ARID2: variants seen among roughly 807,000 people sequenced by gnomAD.
ARID2 encodes AT-rich interaction domain 2.
In ARID2, 32 loss-of-function variants were observed where a neutral mutation model predicts 184.6. The observed-to-expected ratio is 0.17, with a 90% CI of 0.13 to 0.23. The LOEUF (loss-of-function observed/expected upper bound fraction) is 0.23. Ranked by LOEUF, ARID2 falls within the 10% of genes least tolerant of loss-of-function variation. The pLI is 1.00. For missense variants in ARID2, 1,696 were observed against 2,197.6 expected (o/e 0.77, Z 4.56); for synonymous variants, 836 against 772.6 (o/e 1.08, Z -1.36).
At chr12:45,828,585 A>C (rs1288043698) in intron 6 of ARID2, among the ~76,000 whole-genome samples, 1 of 152,052 alleles carries the variant, frequency 6.6e-6, no homozygotes, top group Non-Finnish European at 1.5e-5. Flanking sequence ...CCTTCTCAGC[A>C]GTAGTATGTC....
chr12:45,821,519 T>C, intron 6 of ARID2, 32 bp downstream of exon 6: 1 of 1,375,858 alleles, frequency 7.3e-7, no homozygotes. Flanking sequence ...GTTGATTCAT[T>C]GAGTTACATG....
At chr12:45,901,867 G>T (rs1944464733) in intron 20 of ARID2, among the ~76,000 whole-genome samples, 1 of 151,766 alleles carries the variant, frequency 6.6e-6, no homozygotes, top group Non-Finnish European at 1.5e-5. Context: ...GGTGGGGGAG[G>T]GTGTCTCACT....
chr12:45,875,834 C>T (rs1253334783), intron 16 of ARID2, among the ~76,000 whole-genome samples: 1 of 152,174 alleles, frequency 6.6e-6, no homozygotes, highest in Non-Finnish European at 1.5e-5. Context: ...TAGGGCCTTG[C>T]TCTGGATTAG....
chr12:45,822,550 G>A (rs1011546799), intron 6 of ARID2, among the ~76,000 whole-genome samples: 1 of 151,740 alleles, frequency 6.6e-6, no homozygotes, highest in Non-Finnish European at 1.5e-5. Flanking sequence ...AAAATCAACC[G>A]ATAAATCAAT....
intron 3 of ARID2, among the ~76,000 whole-genome samples, chr12:45,779,691 T>C (rs1404535411): frequency 6.6e-6 from 1 of 152,122 alleles, no homozygotes; most frequent in Non-Finnish European, 1.5e-5. Flanking sequence ...ATTAGTTTTC[T>C]GTCATCTTTT....
At chr12:45,795,885 T>C (rs545211084) in intron 3 of ARID2, among the ~76,000 whole-genome samples, 1 of 152,242 alleles carries the variant, frequency 6.6e-6, no homozygotes, top group South Asian at 2.1e-4. Flanking sequence ...TCTTTTCCTA[T>C]ATAACACTAC....
intron 3 of ARID2, among the ~76,000 whole-genome samples, chr12:45,765,234 G>GTC (rs1236547958): frequency 1.3e-5 from 2 of 151,734 alleles, no homozygotes; most frequent in African/African-American, 4.8e-5. Context: ...TTGAGACAAG[G>GTC]TCTCTCTCTG....
At chr12:45,855,531 G>A (rs921971383) in intron 15 of ARID2, among the ~76,000 whole-genome samples, 1 of 152,246 alleles carries the variant, frequency 6.6e-6, no homozygotes, top group East Asian at 1.9e-4. Context: ...TAATGGGGAA[G>A]GTATGCTTTA....
intron 3 of ARID2, among the ~76,000 whole-genome samples, chr12:45,764,079 G>T (rs1357175558): frequency 6.6e-6 from 1 of 151,122 alleles, no homozygotes; most frequent in African/African-American, 2.4e-5. Context: ...TTCTCAACTA[G>T]TTTTTTTTTA....
At position 45,906,377 on chromosome 12, in the gene ARID2, C is replaced by A. The variant is rs990377367; in HGVS notation, c.*1299C>A. 1 of 233,036 alleles carries A rather than the reference C, an allele frequency of 4.3e-6. No homozygotes were observed. The highest frequency in any genetic ancestry group is 8.5e-6 in the Non-Finnish European group (1 of 117,704). The allele number at this position is 233,036 out of a possible 1,614,324, so 14.4% of individuals were successfully genotyped here. On this transcript the variant is annotated 3_prime_UTR_variant, in exon 21 of 21. Transcript: ENST00000334344. ...TGTATCCATTTATAACTGCCTATTG[C>A]CTGTTCTATTAGCATCCAAAAATGT...
rs2138170166 is a variant in ARID2 at position 45,851,336 on chromosome 12, A to C, written c.3213A>C (p.Ser1071=). ...TTCTGCTTCCGAAACGTGGTCCTTC[A>C]ACACCAGGTGGTAAGCTTATTCTCC... is the stretch of plus-strand genomic sequence containing the variant. ...KQLLLPKRGP[S]TPGGKLILPA... The change falls in exon 15 of 21, where the codon TCA becomes TCC. Residue 1071 remains serine (S), a synonymous_variant. Transcript: ENST00000334344. 6.2e-7 allele frequency: 1 copy of C among 1,614,080 alleles called. No homozygotes were observed. Among genetic ancestry groups the C allele is most frequent in the Non-Finnish European group, 8.5e-7 (1 of 1,179,988 alleles).
intron 6 of ARID2, among the ~76,000 whole-genome samples, chr12:45,823,061 A>G (rs957626642): frequency 4.0e-5 from 6 of 151,376 alleles, no homozygotes; most frequent in African/African-American, 1.4e-4. Flanking sequence ...GATAGACCAT[A>G]TCGTATGCCA....
chr12:45,769,600 GA>G (rs1941831304), intron 3 of ARID2, among the ~76,000 whole-genome samples: 2 of 152,182 alleles, frequency 1.3e-5, no homozygotes, highest in African/African-American at 4.8e-5. Flanking sequence ...GGAGAGAACA[GA>G]AAAGAACAGA....
At chr12:45,873,377 A>G (rs1300225953) in intron 16 of ARID2, among the ~76,000 whole-genome samples, 1 of 152,180 alleles carries the variant, frequency 6.6e-6, no homozygotes, top group African/African-American at 2.4e-5. Context: ...TAGCTATCAT[A>G]TTTGTAAATG....
intron 3 of ARID2, among the ~76,000 whole-genome samples, chr12:45,774,836 A>C (rs558322887): frequency 6.6e-6 from 1 of 152,282 alleles, no homozygotes; most frequent in South Asian, 2.1e-4. Context: ...TCCAAAACTT[A>C]GATTATTTGT....
intron 3 of ARID2, among the ~76,000 whole-genome samples, chr12:45,801,319 GAAAA>G (rs377189116): frequency 3.2e-4 from 41 of 127,734 alleles, no homozygotes; most frequent in African/African-American, 1.0e-3. Flanking sequence ...CTCAAAAAAA[GAAAA>G]AAAAAAAAAG....
chr12:45,796,858 C>T (rs532236545), intron 3 of ARID2, among the ~76,000 whole-genome samples: 1 of 152,300 alleles, frequency 6.6e-6, no homozygotes, highest in South Asian at 2.1e-4. Flanking sequence ...TCTCTGAGAT[C>T]AAATGATACT....
chr12:45,744,327 GTTAGAC>G (rs1190479433), intron 3 of ARID2, among the ~76,000 whole-genome samples: 2 of 151,978 alleles, frequency 1.3e-5, no homozygotes, highest in Non-Finnish European at 2.9e-5. Flanking sequence ...GAGTGGTATT[GTTAGAC>G]TTAGAAATCA....
chr12:45,899,601 A>G (rs970594266), intron 20 of ARID2, among the ~76,000 whole-genome samples: 6 of 147,640 alleles, frequency 4.1e-5, no homozygotes, highest in South Asian at 2.1e-4. Context: ...GCGAGATTCC[A>G]TCTCAAAATA....
Sources: allele counts gnomAD v4.1 joint callset (sites outside exome capture counted in the v4.1 genomes callset), GRCh38; gene constraint gnomAD v4.1.1; transcripts MANE v1.5; gene names NCBI Gene and HGNC (gene_info 2026-07-23, HGNC 2026-07-21).